Variants in MAPKBP1 observed in about 807,000 individuals in gnomAD.
The protein encoded by MAPKBP1 is mitogen-activated protein kinase-binding protein 1.
A neutral mutation model predicts 170.5 loss-of-function variants in MAPKBP1; 71 were observed. The observed-to-expected ratio is 0.42, with a 90% CI of 0.34 to 0.51. The LOEUF is 0.51. MAPKBP1 is among the 20% of genes least tolerant of loss of function. The pLI, the probability that MAPKBP1 is intolerant of heterozygous loss-of-function variation, is 0.06. For missense variants in MAPKBP1, 1,598 were observed against 1,933.0 expected (o/e 0.83, Z 3.25); for synonymous variants, 719 against 757.9 (o/e 0.95, Z 0.84).
At chr15:41,775,410 C>T (rs1179220287) in intron 2 of MAPKBP1, 21 bp downstream of exon 2, 3 of 1,582,114 alleles carry the variant, frequency 1.9e-6, no homozygotes, top group Admixed American at 1.7e-5. Context: ...TTGGGATCCA[C>T]CTCTTTCCAA....
intron 2 of MAPKBP1, among the ~76,000 whole-genome samples, chr15:41,789,317 C>G (rs2064354262): frequency 6.6e-6 from 1 of 152,052 alleles, no homozygotes; most frequent in Admixed American, 6.5e-5. Flanking sequence ...CAACTCCACC[C>G]CCACCCGAAT....
rs1242471786 is a variant in MAPKBP1, at chr15:41,823,467, C to T, written c.3619C>T (p.Gln1207Ter). The T allele has an allele frequency of 2.5e-6, 4 of 1,613,124 alleles. No individual in the cohort carries two copies. Among genetic ancestry groups the T allele is most frequent in the Non-Finnish European group, 2.5e-6 (3 of 1,179,408 alleles). ...VPQERHEASL[Q>*]APSPGALLSR... is the part of the protein sequence containing the mutation. ...TGCAGAAAGACATGAGGCCAGTCTG[C>T]AGGCCCCTTCACCAGGCGCACTGCT... Residue 1207 changes from glutamine to a stop codon, truncating the protein, a stop_gained, in exon 29 of 31, where the codon CAG becomes TAG. Coordinates refer to ENST00000457542, the MANE Select transcript of MAPKBP1 (RefSeq NM_014994.3). LOFTEE classifies it high-confidence loss of function.
At chr15:41,811,036 A>T in intron 4 of MAPKBP1, 91 bp downstream of exon 4, 1 of 1,564,416 alleles carries the variant, frequency 6.4e-7, no homozygotes, top group East Asian at 2.2e-5. Context: ...GGGGGCTGGG[A>T]CCTGGTTGGG....
intron 23 of MAPKBP1, 172 bp downstream of exon 23, chr15:41,821,240 A>G: frequency 1.4e-6 from 1 of 691,724 alleles, no homozygotes; most frequent in Non-Finnish European, 2.4e-6. Flanking sequence ...TGGTTTGGTC[A>G]TCAGGATAGG....
intron 2 of MAPKBP1, among the ~76,000 whole-genome samples, chr15:41,778,998 T>G (rs1249827093): frequency 6.6e-6 from 1 of 152,190 alleles, no homozygotes; most frequent in Non-Finnish European, 1.5e-5. Context: ...TTCTTCTAGT[T>G]GTGTTTTTTT....
rs1451680188 is a variant in MAPKBP1 at position 41,810,963 on chromosome 15, C to T, written c.269+18C>T. The T allele has an allele frequency of 1.2e-6, 2 of 1,613,958 alleles. No individual in the cohort carries two copies. The highest frequency in any genetic ancestry group is 2.2e-5 in the East Asian group (1 of 44,884). Reference sequence around the variant, plus strand: ...AGTTCCAGGTAAATGGGCTGGGGTCCTCAGGATACCTCTTCCTTCTGGGAG... The same window carrying T: ...AGTTCCAGGTAAATGGGCTGGGGTCTTCAGGATACCTCTTCCTTCTGGGAG... On this transcript the variant is annotated intron_variant, in intron 4 of 30. Transcript: ENST00000457542.
intron 10 of MAPKBP1, 81 bp from the exon 11 acceptor site, chr15:41,815,178 T>C: frequency 6.4e-7 from 1 of 1,555,488 alleles, no homozygotes; most frequent in South Asian, 1.2e-5. Flanking sequence ...CCCTTTTTCG[T>C]CCCATTCCCT....
At chr15:41,808,400 C>T (rs779712248) in intron 3 of MAPKBP1, among the ~76,000 whole-genome samples, 2 of 151,776 alleles carry the variant, frequency 1.3e-5, no homozygotes, top group African/African-American at 2.4e-5. Flanking sequence ...CCACCACTCC[C>T]GGCTCTGTTA....
Position 41,794,931 on chromosome 15 carries a change from G to A in MAPKBP1, c.115-4892G>A, listed in dbSNP as rs548785041. Among the ~76,000 whole-genome samples the A allele has an allele frequency of 1.0e-3, 157 of 152,234 alleles. 1 individual carries two copies. The highest frequency in any genetic ancestry group is 3.4e-3 in the Middle Eastern group (1 of 294). On this transcript the variant is annotated intron_variant, in intron 2 of 30. Transcript: ENST00000457542. ...TGTGATCCCAGCACTTTGGGAGGCC[G>A]AGGCGGGCAGATCACTTGAGGTCAG...
Position 41,818,715 on chromosome 15 carries a change from G to A in MAPKBP1, c.2157-108G>A. 1 of 1,539,142 alleles carries A rather than the reference G, an allele frequency of 6.5e-7. No individual in the cohort carries two copies. Among genetic ancestry groups the A allele is most frequent in the East Asian group, 2.3e-5 (1 of 43,732 alleles). On this transcript the variant is annotated intron_variant, in intron 19 of 30. Coordinates refer to ENST00000457542, the MANE Select transcript of MAPKBP1 (RefSeq NM_014994.3). This position sits in a 1 kb window ranked among gnomAD's most constrained non-coding sequence, Gnocchi z 5.2. ...GATAGCTTTTGGCTGTGCTTGACCT[G>A]AAGTGGAGGGTGGCTCTGGTCTCCT...
Position 41,816,929 on chromosome 15 carries a change from G to A in MAPKBP1, c.1605G>A (p.Ser535=), listed in dbSNP as rs748740896. The part of the protein sequence containing the change: ...KPDTGLKLLA[S]ASRDRLIHVL... The stretch of plus-strand genomic sequence containing the variant: ...CCCCAGGTCTGAAACTGCTAGCATC[G>A]GCGAGCCGGGACCGGCTGATCCATG... Residue 535 remains serine, a synonymous_variant, in exon 14 of 31, where the codon TCG becomes TCA. Transcript: ENST00000457542. The A allele has an allele frequency of 5.2e-5, 84 of 1,610,418 alleles. No homozygotes were observed. Among genetic ancestry groups the A allele is most frequent in the African/African-American group, 5.3e-5 (4 of 74,856 alleles).
Position 41,799,860 on chromosome 15 carries a change from G to C in MAPKBP1, c.152G>C (p.Gly51Ala). 6.2e-7 allele frequency: 1 copy of C among 1,614,060 alleles called. No individual in the cohort carries two copies. The highest frequency in any genetic ancestry group is 1.7e-5 in the Admixed American group (1 of 60,012). Residue 51 changes from glycine to alanine, a missense_variant, in exon 3 of 31, where the codon GGA becomes GCA. Physicochemically the swap from Gly to Ala is moderately conservative, Grantham distance 60. Transcript: ENST00000457542. Reference protein sequence around the residue: ...LEKVLGITVSGGRGLACDPRS... With the variant: ...LEKVLGITVSAGRGLACDPRS... ...AAGGTGCTGGGAATTACAGTGTCTG[G>C]AGGCAGAGGACTTGCCTGTGACCCC...
chr15:41,774,558 A>G lies in MAPKBP1; in HGVS notation c.-162A>G. 1 of 398,678 alleles carries G rather than the reference A, an allele frequency of 2.5e-6. No homozygotes were observed. Among genetic ancestry groups the G allele is most frequent in the Non-Finnish European group, 4.4e-6 (1 of 226,096 alleles). 24.7% of individuals were successfully genotyped at this position (398,678 alleles called of 1,614,324 possible). A position where few individuals can be genotyped will look rare whatever the true frequency, so the allele number is the denominator to read the frequency against. ...TACCGCGGCGGAGCTGAAATTGCCG[A>G]ACGCGATGCCCGAGGGCGCTGTGAG... On this transcript the variant is annotated 5_prime_UTR_variant, in exon 1 of 31. Transcript: ENST00000457542.
At chr15:41,786,778 ATATATATATAT>A (rs1309010832) in intron 2 of MAPKBP1, among the ~76,000 whole-genome samples, 2 of 29,474 alleles carry the variant, frequency 6.8e-5, no homozygotes, top group African/African-American at 1.1e-4. Context: ...AAAAAAAAAA[ATATATATATAT>A]ATATATATAT....
In MAPKBP1 at chr15:41,823,609, G is replaced by A. The variant is rs145208274; in HGVS notation, c.3761G>A (p.Arg1254His). ...PTTSSMAKISRSISVGENLGL... is the reference protein window; with the variant it reads ...PTTSSMAKISHSISVGENLGL... Reference sequence around the variant, plus strand: ...ACCAGTTCCATGGCCAAGATATCCCGCAGTATCTCTGTTGGGGAGAACCTG... The same window carrying A: ...ACCAGTTCCATGGCCAAGATATCCCACAGTATCTCTGTTGGGGAGAACCTG... The change falls in exon 29 of 31, where the codon CGC becomes CAC. Residue 1254 changes from arginine (R) to histidine (H), a missense_variant. This residue lies in a region of MAPKBP1 where 942 missense variants were observed against 953.2 expected (regional missense o/e 0.99). Transcript: ENST00000457542. The A allele has an allele frequency of 1.5e-5, 25 of 1,613,976 alleles. No homozygotes were observed. The African/African-American group carries it at 2.7e-4, about 17-fold the overall frequency.
intron 3 of MAPKBP1, among the ~76,000 whole-genome samples, chr15:41,804,331 C>T (rs930288950): frequency 4.6e-5 from 7 of 152,222 alleles, no homozygotes; most frequent in Non-Finnish European, 7.3e-5. Flanking sequence ...GGGAGCCACA[C>T]GGGCTCTGCC....
At chr15:41,824,439 A>C (rs1297797659) in intron 29 of MAPKBP1, 45 bp from the exon 30 acceptor site, 1 of 1,528,958 alleles carries the variant, frequency 6.5e-7, no homozygotes, top group African/African-American at 1.4e-5. Flanking sequence ...GAGGCCTGAA[A>C]GGGCTACATG....
At chr15:41,813,235 C>T in intron 8 of MAPKBP1, 134 bp downstream of exon 8, 1 of 1,509,484 alleles carries the variant, frequency 6.6e-7, no homozygotes, top group Non-Finnish European at 9.1e-7. Flanking sequence ...CTTGGGGGAG[C>T]TAGAGCTTGG....
At chr15:41,807,957 T>A (rs905671088) in intron 3 of MAPKBP1, among the ~76,000 whole-genome samples, 7 of 151,134 alleles carry the variant, frequency 4.6e-5, no homozygotes, top group African/African-American at 1.7e-4. Flanking sequence ...AAGAATTGCT[T>A]GAACGCGGGA....
Sources: gnomAD v4.1 joint callset for allele counts (sites outside exome capture counted in the v4.1 genomes callset) on GRCh38, gnomAD v4.1.1 for gene constraint, gnomAD v4.1.1 regional missense constraint, Gnocchi (gnomAD v3.1) non-coding constraint, MANE v1.5 for transcripts, NCBI Gene and HGNC (gene_info 2026-07-23, HGNC 2026-07-21) for gene names.